GRM7: variants seen among roughly 807,000 people sequenced by gnomAD.
The protein encoded by GRM7 is metabotropic glutamate receptor 7.
In GRM7, 35 loss-of-function variants were observed where a neutral mutation model predicts 84.5. The observed-to-expected ratio is 0.41, with a 90% confidence interval of 0.32 to 0.55. The LOEUF (loss-of-function observed/expected upper bound fraction) is 0.55, where lower values mean the gene tolerates loss of function less well. Among genes scored for constraint, GRM7 ranks in the 20% least tolerant of loss-of-function variants. GRM7 has a pLI of 0.19. For synonymous variants in GRM7, 487 were observed against 455.1 expected (o/e 1.07, Z -0.89); for missense variants, 1,003 against 1,194.6 (o/e 0.84, Z 2.36).
chr3:6,916,929 G>A (rs1182715433), intron 1 of GRM7, among the ~76,000 whole-genome samples: 1 of 152,054 alleles, frequency 6.6e-6, no homozygotes, highest in African/African-American at 2.4e-5. Context: ...AGGTTGAGAT[G>A]GATTCAAAAC....
At chr3:7,005,094 A>C (rs1695137058) in intron 1 of GRM7, among the ~76,000 whole-genome samples, 1 of 152,174 alleles carries the variant, frequency 6.6e-6, no homozygotes, top group Non-Finnish European at 1.5e-5. Flanking sequence ...CTGGCTCTTG[A>C]GACATATGGC....
At chr3:7,135,810 A>T (rs1004747005) in intron 1 of GRM7, among the ~76,000 whole-genome samples, 1 of 152,184 alleles carries the variant, frequency 6.6e-6, no homozygotes, top group African/African-American at 2.4e-5. Flanking sequence ...TTGTGTTCTG[A>T]ATAAATAAAA....
At chr3:7,006,963 G>T (rs929354448) in intron 1 of GRM7, among the ~76,000 whole-genome samples, 2 of 152,198 alleles carry the variant, frequency 1.3e-5, no homozygotes. Flanking sequence ...ATATCTCAAT[G>T]AGTATAAAAG....
At chr3:6,963,011 C>G (rs1039952900) in intron 1 of GRM7, among the ~76,000 whole-genome samples, 1 of 152,130 alleles carries the variant, frequency 6.6e-6, no homozygotes, top group African/African-American at 2.4e-5. Flanking sequence ...TGGAAAACTG[C>G]CAAAGGGCCC....
chr3:7,276,765 C>T (rs1199118820), intron 2 of GRM7, among the ~76,000 whole-genome samples: 45 of 4,246 alleles, frequency 0.011, no homozygotes, highest in African/African-American at 0.032. Context: ...CTCTCTTTCT[C>T]CCTTCCTTCC....
chr3:7,292,602 A>C (rs1699670330), intron 2 of GRM7, among the ~76,000 whole-genome samples: 1 of 152,082 alleles, frequency 6.6e-6, no homozygotes, highest in East Asian at 1.9e-4. Context: ...CCAGTCCTTC[A>C]ACTATGATGA....
chr3:7,569,932 T>C (rs1438137006), intron 7 of GRM7, among the ~76,000 whole-genome samples: 1 of 152,186 alleles, frequency 6.6e-6, no homozygotes, highest in Non-Finnish European at 1.5e-5. Context: ...GGCTTCATTC[T>C]TGAAGTCAGT....
In GRM7 at chr3:7,597,864, C is replaced by A. The variant is rs188272495; in HGVS notation, c.2451+18507C>A. Among the ~76,000 whole-genome samples, 48 of 152,246 alleles carry A rather than the reference C, an allele frequency of 3.2e-4. No homozygotes were observed. In the East Asian group the frequency reaches 8.9e-3, roughly 28 times the overall value. ...TAGCATAGTCCCGGGTTGACCAAGA[C>A]ACATCATAAATGAGGAATAAGGGAA... On this transcript the variant is annotated intron_variant, in intron 8 of 9. Transcript: ENST00000357716.
intron 4 of GRM7, among the ~76,000 whole-genome samples, chr3:7,389,762 G>A (rs542136640): frequency 1.3e-5 from 2 of 150,844 alleles, no homozygotes; most frequent in South Asian, 2.1e-4. Context: ...TGAGATGGAT[G>A]TCTTGAAGGG....
chr3:7,617,630 C>A (rs1459090201), intron 8 of GRM7, among the ~76,000 whole-genome samples: 1 of 151,976 alleles, frequency 6.6e-6, no homozygotes, highest in Non-Finnish European at 1.5e-5. Context: ...GGAAAGGAAG[C>A]AAAATGCAGT....
intron 1 of GRM7, among the ~76,000 whole-genome samples, chr3:7,004,488 T>A (rs548460961): frequency 7.2e-5 from 11 of 152,284 alleles, no homozygotes; most frequent in African/African-American, 2.6e-4. Flanking sequence ...AACTTCCCAT[T>A]GAGAAGGAAC....
chr3:7,356,295 G>T (rs1240997519), intron 4 of GRM7, among the ~76,000 whole-genome samples: 2 of 150,886 alleles, frequency 1.3e-5, no homozygotes, highest in Non-Finnish European at 2.9e-5. Context: ...CAGCAGAGGA[G>T]GATTTTTTTT....
chr3:7,425,767 T>A (rs2124837280), intron 5 of GRM7, among the ~76,000 whole-genome samples: 1 of 152,220 alleles, frequency 6.6e-6, no homozygotes, highest in Non-Finnish European at 1.5e-5. Flanking sequence ...AAATTAAATT[T>A]AAAAAAATAC....
intron 9 of GRM7, among the ~76,000 whole-genome samples, chr3:7,728,892 G>A (rs1702218734): frequency 6.6e-6 from 1 of 152,138 alleles, no homozygotes; most frequent in Admixed American, 6.5e-5. Flanking sequence ...GTACTGACTT[G>A]GAATTCCACT....
chr3:7,404,126 C>T (rs902425832), intron 4 of GRM7, among the ~76,000 whole-genome samples: 2 of 152,030 alleles, frequency 1.3e-5, no homozygotes, highest in African/African-American at 2.4e-5. Context: ...GTGTGTAGAC[C>T]AGGGTGTAAA....
At chr3:7,283,284 G>GAGTAGTTT (rs1168451280) in intron 2 of GRM7, among the ~76,000 whole-genome samples, 1 of 152,074 alleles carries the variant, frequency 6.6e-6, no homozygotes, top group Non-Finnish European at 1.5e-5. Context: ...ATGAAGGCAA[G>GAGTAGTTT]AGTAGTTTCA....
In GRM7 at chr3:7,460,099, T is replaced by TAAAAAAA. The variant is rs71066013; in HGVS notation, c.1376-1460_1376-1454dup. On this transcript the variant is annotated intron_variant, in intron 6 of 9. Coordinates refer to ENST00000357716, the MANE Select transcript of GRM7 (RefSeq NM_000844.4). ...ACAGGGAAAAGTATGCTTAAAATAGTAAAAAAAAAAAAAAAAAAAAAAAAA... is the reference window on the plus strand; with the variant it reads ...ACAGGGAAAAGTATGCTTAAAATAGTAAAAAAAAAAAAAAAAAAAAAAAAAAAAAAAA... Among the ~76,000 whole-genome samples the TAAAAAAA allele has an allele frequency of 9.2e-3, 454 of 49,546 alleles. 4 individuals are homozygous for TAAAAAAA. The highest frequency in any genetic ancestry group is 0.012 in the East Asian group (13 of 1,076). 32.5% of individuals were successfully genotyped at this position (49,546 alleles called of 152,430 possible). A position where few individuals can be genotyped will look rare whatever the true frequency, so the allele number is the denominator to read the frequency against.
chr3:7,568,263 T>C (rs1436370066), intron 7 of GRM7, among the ~76,000 whole-genome samples: 1 of 151,756 alleles, frequency 6.6e-6, no homozygotes, highest in African/African-American at 2.4e-5. Context: ...AGACAAGATG[T>C]ATTAGACTGT....
At chr3:7,589,921 A>G (rs1695698086) in intron 8 of GRM7, among the ~76,000 whole-genome samples, 2 of 151,728 alleles carry the variant, frequency 1.3e-5, no homozygotes, top group African/African-American at 4.9e-5. Flanking sequence ...TATAACCAAC[A>G]GTGATTTTTT....
Sources: allele counts gnomAD v4.1 joint callset (sites outside exome capture counted in the v4.1 genomes callset), GRCh38; gene constraint gnomAD v4.1.1; transcripts MANE v1.5; gene names NCBI Gene and HGNC (gene_info 2026-07-23, HGNC 2026-07-21).